The following ITGA1 variants were observed in gnomAD, a reference collection of about 807,000 sequenced individuals.
ITGA1 encodes the protein integrin alpha-1.
Under a neutral mutation model 145.9 loss-of-function variants are expected in ITGA1, and 85 were observed. The observed-to-expected ratio is 0.58, with a 90% confidence interval of 0.49 to 0.70. ITGA1 has a LOEUF of 0.70. Ranked by LOEUF, ITGA1 falls within the 30% of genes least tolerant of loss-of-function variation. The pLI is 0.00. For missense variants in ITGA1, 1,351 were observed against 1,418.7 expected (o/e 0.95, Z 0.77); for synonymous variants, 520 against 495.3 (o/e 1.05, Z -0.66).
At chr5:52,865,873 T>G (rs963240231) in intron 6 of ITGA1, 56 bp downstream of exon 6, 3 of 1,419,236 alleles carry the variant, frequency 2.1e-6, no homozygotes, top group Non-Finnish European at 2.8e-6. Context: ...TGCACAAATT[T>G]TTAATAAAAC....
intron 1 of ITGA1, among the ~76,000 whole-genome samples, chr5:52,792,404 G>A (rs1323874066): frequency 2.6e-5 from 4 of 152,166 alleles, no homozygotes; most frequent in African/African-American, 9.7e-5. Context: ...AGGCAGCAAT[G>A]AATTCACGGG....
In ITGA1 at chr5:52,887,806, T is replaced by A; in HGVS notation, c.774-9T>A. 6.2e-7 allele frequency: 1 copy of A among 1,605,746 alleles called. No homozygotes were observed. The highest frequency in any genetic ancestry group is 1.7e-5 in the Admixed American group (1 of 59,018). On this transcript the variant is annotated splice_polypyrimidine_tract_variant and intron_variant, in intron 7 of 28. Coordinates refer to ENST00000282588, the MANE Select transcript of ITGA1 (RefSeq NM_181501.2). ...TTATCAACCTCTCTTTTGTTTGTGA[T>A]TACTTTAGAAAGGAGGCATTCACGG...
At chr5:52,918,696 A>C (rs200242855) in intron 15 of ITGA1, 36 bp from the exon 16 acceptor site, 3 of 1,582,560 alleles carry the variant, frequency 1.9e-6, no homozygotes, top group East Asian at 2.2e-5. Flanking sequence ...ATTAAATGTA[A>C]AAATGTGTGA....
intron 6 of ITGA1, among the ~76,000 whole-genome samples, chr5:52,872,603 G>A (rs1749795191): frequency 2.0e-5 from 1 of 49,690 alleles, no homozygotes; most frequent in Non-Finnish European, 4.7e-5. Context: ...TGTGGGTGGA[G>A]GAGATGGAGT....
At chr5:52,895,862 T>G (rs1750215729) in intron 9 of ITGA1, among the ~76,000 whole-genome samples, 1 of 152,208 alleles carries the variant, frequency 6.6e-6, no homozygotes, top group South Asian at 2.1e-4. Context: ...AGACTATTTC[T>G]TATTTTTTTC....
At chr5:52,916,571 G>A (rs528536549) in intron 15 of ITGA1, among the ~76,000 whole-genome samples, 36 of 151,994 alleles carry the variant, frequency 2.4e-4, no homozygotes, top group Admixed American at 2.4e-3. Context: ...AATTAAAATG[G>A]TACAGTAAAT....
intron 24 of ITGA1, 91 bp from the exon 25 acceptor site, chr5:52,939,499 T>C (rs563381988): frequency 8.6e-6 from 7 of 810,298 alleles, no homozygotes; most frequent in Non-Finnish European, 1.4e-5. Context: ...GCAATGGCTG[T>C]CATTCACAGA....
intron 1 of ITGA1, among the ~76,000 whole-genome samples, chr5:52,823,018 G>A (rs1309372799): frequency 1.3e-5 from 2 of 152,220 alleles, no homozygotes; most frequent in African/African-American, 2.4e-5. Context: ...GACACATCGA[G>A]TTTGTATTGC....
In ITGA1 at chr5:52,905,857, C is replaced by T; in HGVS notation, c.1404C>T (p.Tyr468=). 1 of 1,613,542 alleles carries T rather than the reference C, an allele frequency of 6.2e-7. No homozygotes were observed. The change falls in exon 12 of 29, where the codon TAC becomes TAT. Residue 468 remains tyrosine (Y), a synonymous_variant. Coordinates refer to ENST00000282588, the MANE Select transcript of ITGA1 (RefSeq NM_181501.2). ...ATCATACAGGCCAGGTCATTATCTA[C>T]AGGATGGAAGATGGAAACATCAAAA... ...RYNHTGQVII[Y]RMEDGNIKIL...
chr5:52,826,192 T>G (rs2936574), intron 1 of ITGA1, among the ~76,000 whole-genome samples: 42,445 of 152,026 alleles, frequency 0.28, 6,497 homozygotes, highest in East Asian at 0.57. Context: ...AGCAGCCTTA[T>G]TGCTGATATA....
intron 1 of ITGA1, among the ~76,000 whole-genome samples, chr5:52,816,274 C>A (rs1307024644): frequency 6.6e-6 from 1 of 151,988 alleles, no homozygotes; most frequent in Non-Finnish European, 1.5e-5. Context: ...GAAAGGAAAC[C>A]AATATGCCAG....
chr5:52,953,461 T>G lies in ITGA1; in HGVS notation c.*1010T>G. The G allele has an allele frequency of 6.6e-6, 1 of 152,334 alleles. No individual in the cohort carries two copies. The highest frequency in any genetic ancestry group is 3.4e-3 in the Middle Eastern group (1 of 294). The allele number at this position is 152,334 out of a possible 1,614,324, so 9.4% of individuals were successfully genotyped here. On this transcript the variant is annotated 3_prime_UTR_variant, in exon 29 of 29. Coordinates refer to ENST00000282588, the MANE Select transcript of ITGA1 (RefSeq NM_181501.2). ...CCCAAGCTGTGAGAGTGTGTTTATT[T>G]TTAATTTTTTAAAAGGTATTTAATT...
chr5:52,876,307 G>GT (rs5867838), intron 6 of ITGA1, among the ~76,000 whole-genome samples: 152,306 of 152,306 alleles, frequency 1, 76,153 homozygotes, highest in Non-Finnish European at 1. Context: ...ACATTTGTTT[G>GT]TTTGTGATTT....
chr5:52,945,861 C>T (rs879822019), intron 27 of ITGA1, among the ~76,000 whole-genome samples: 12 of 152,134 alleles, frequency 7.9e-5, no homozygotes, highest in Admixed American at 7.2e-4. Context: ...AAGGAAAATA[C>T]ATGCATATAA....
chr5:52,941,276 C>A (rs534414100), intron 26 of ITGA1, among the ~76,000 whole-genome samples: 2 of 152,032 alleles, frequency 1.3e-5, no homozygotes, highest in Non-Finnish European at 2.9e-5. Flanking sequence ...CAGTTTCTTT[C>A]GGGTATATAC....
chr5:52,811,668 A>AAT (rs1242131047), intron 1 of ITGA1, among the ~76,000 whole-genome samples: 1 of 152,140 alleles, frequency 6.6e-6, no homozygotes, highest in African/African-American at 2.4e-5. Flanking sequence ...CCACTCTGTA[A>AAT]ATACGTGCAT....
rs1343370639 is a variant in ITGA1 at position 52,864,870 on chromosome 5, A to T, written c.384+19A>T. On this transcript the variant is annotated intron_variant, in intron 4 of 28. Coordinates refer to ENST00000282588, the MANE Select transcript of ITGA1 (RefSeq NM_181501.2). The stretch of plus-strand genomic sequence containing the variant: ...ATTTCTGGTAAGAATGGAGAGAATG[A>T]TATTTATTGACAACAGATATGCTAT... 1 of 1,571,742 alleles carries T rather than the reference A, an allele frequency of 6.4e-7. No individual in the cohort carries two copies. Among genetic ancestry groups the T allele is most frequent in the Admixed American group, 1.7e-5 (1 of 59,580 alleles).
At chr5:52,946,379 GT>G (rs749828395) in intron 27 of ITGA1, among the ~76,000 whole-genome samples, 9 of 152,092 alleles carry the variant, frequency 5.9e-5, no homozygotes, top group Admixed American at 2.6e-4. Flanking sequence ...GTTTTGTTTT[GT>G]TTTGTTTTAA....
intron 9 of ITGA1, among the ~76,000 whole-genome samples, chr5:52,894,938 C>A (rs1750203284): frequency 6.6e-6 from 1 of 152,022 alleles, no homozygotes; most frequent in South Asian, 2.1e-4. Flanking sequence ...GGCTTTCAAA[C>A]TTTTTTTGAG....
Sources: gnomAD v4.1 joint callset for allele counts (sites outside exome capture counted in the v4.1 genomes callset) on GRCh38, gnomAD v4.1.1 for gene constraint, MANE v1.5 for transcripts, NCBI Gene and HGNC (gene_info 2026-07-23, HGNC 2026-07-21) for gene names.